The following RGS7BP variants were observed in gnomAD, a reference collection of about 807,000 sequenced individuals.
RGS7BP encodes the protein regulator of G protein signaling 7-binding protein.
In RGS7BP, 9 loss-of-function variants were observed where a neutral mutation model predicts 31.3. That is an observed-to-expected ratio of 0.29 (90% CI 0.17 to 0.50). RGS7BP has a LOEUF of 0.50. RGS7BP is among the 20% of genes least tolerant of loss of function. The pLI is 0.98. For synonymous variants in RGS7BP, 115 were observed against 120.1 expected (o/e 0.96, Z 0.28); for missense variants, 274 against 322.0 (o/e 0.85, Z 1.14).
intron 2 of RGS7BP, among the ~76,000 whole-genome samples, chr5:64,526,768 G>C (rs1749240473): frequency 6.6e-6 from 1 of 152,060 alleles, no homozygotes; most frequent in African/African-American, 2.4e-5. Context: ...GGTTCCTGGA[G>C]ATGCCTCAAG....
At chr5:64,604,384 C>T (rs527334081) in intron 5 of RGS7BP, among the ~76,000 whole-genome samples, 4 of 152,200 alleles carry the variant, frequency 2.6e-5, no homozygotes, top group East Asian at 3.9e-4. Context: ...ATCTTTCTTA[C>T]GGCATTTTTC....
chr5:64,507,573 C>T, intron 1 of RGS7BP, 138 bp from the exon 2 acceptor site: 1 of 700,324 alleles, frequency 1.4e-6, no homozygotes, highest in Non-Finnish European at 2.3e-6. Flanking sequence ...CTGCTTTAAA[C>T]AATTCCTAGG....
rs141347638 is a variant in RGS7BP, at chr5:64,506,252, C to T, written c.-373C>T. ...GCAGGCTTTGAAAGCTGCTCCCCCACCTGAATGGAAACTCGGAACCGCCGG... is the reference window on the plus strand; with the variant it reads ...GCAGGCTTTGAAAGCTGCTCCCCCATCTGAATGGAAACTCGGAACCGCCGG... On this transcript the variant is annotated 5_prime_UTR_variant, in exon 1 of 6. Coordinates refer to ENST00000334025, the MANE Select transcript of RGS7BP (RefSeq NM_001029875.3). The surrounding 1 kb of genome is among the most constrained non-coding windows in gnomAD (Gnocchi z 4.6). The T allele has an allele frequency of 3.2e-3, 572 of 177,734 alleles. 1 individual carries two copies. The highest frequency in any genetic ancestry group is 0.013 in the African/African-American group (538 of 42,610). 11.0% of individuals were successfully genotyped at this position (177,734 alleles called of 1,614,324 possible).
chr5:64,538,481 A>T (rs190163872), intron 2 of RGS7BP, among the ~76,000 whole-genome samples: 29 of 122,040 alleles, frequency 2.4e-4, no homozygotes, highest in Admixed American at 5.2e-4. Flanking sequence ...AGAAGCATGT[A>T]GCCATTTTTT....
intron 2 of RGS7BP, among the ~76,000 whole-genome samples, chr5:64,555,028 T>G (rs895231751): frequency 2.0e-5 from 3 of 151,984 alleles, no homozygotes; most frequent in African/African-American, 7.2e-5. Flanking sequence ...TAAAAAGGGA[T>G]TAAGAAGACA....
chr5:64,541,849 A>C (rs369692822), intron 2 of RGS7BP, among the ~76,000 whole-genome samples: 3 of 152,004 alleles, frequency 2.0e-5, no homozygotes, highest in Non-Finnish European at 4.4e-5. Flanking sequence ...TACCAATCCT[A>C]TCTCTGCTGG....
In RGS7BP at chr5:64,526,845, G is replaced by T. The variant is rs1263725742; in HGVS notation, c.332+18968G>T. 3.3e-5 allele frequency among the ~76,000 whole-genome samples: 5 copies of T among 152,258 alleles called. 1 individual carries two copies. Among genetic ancestry groups the T allele is most frequent in the African/African-American group, 9.6e-5 (4 of 41,540 alleles). ...TCTGTGTGTGAGCTAATGCTAAAGG[G>T]CTCTGTGGCTGTGAGTACAAATGGG... On this transcript the variant is annotated intron_variant, in intron 2 of 5. Transcript: ENST00000334025.
intron 2 of RGS7BP, among the ~76,000 whole-genome samples, chr5:64,558,998 G>C (rs1161009375): frequency 6.6e-6 from 1 of 152,164 alleles, no homozygotes; most frequent in African/African-American, 2.4e-5. Flanking sequence ...TGCGTGCACA[G>C]CGGGACACGG....
chr5:64,561,945 C>G (rs1181863721), intron 2 of RGS7BP, among the ~76,000 whole-genome samples: 1 of 151,992 alleles, frequency 6.6e-6, no homozygotes, highest in Non-Finnish European at 1.5e-5. Context: ...TATAATTCAT[C>G]ATTAAGAAAG....
rs1347869341 is a variant in RGS7BP at position 64,506,770 on chromosome 5, C to T, written c.146C>T (p.Ala49Val). ...GSESAHKTQR[A>V]LDDCKMLVQE... ...GAGAGCGCCCACAAAACCCAACGAG[C>T]CCTGGACGACTGCAAGATGGTGGGT... Residue 49 changes from alanine to valine, a missense_variant, in exon 1 of 6, where the codon GCC (alanine) becomes GTC (valine). Transcript: ENST00000334025. The surrounding 1 kb of genome is among the most constrained non-coding windows in gnomAD (Gnocchi z 4.6). 6.3e-7 allele frequency: 1 copy of T among 1,592,882 alleles called. No individual in the cohort carries two copies. Among genetic ancestry groups the T allele is most frequent in the Non-Finnish European group, 8.6e-7 (1 of 1,165,688 alleles).
At chr5:64,542,188 A>C (rs1054474541) in intron 2 of RGS7BP, among the ~76,000 whole-genome samples, 3 of 152,226 alleles carry the variant, frequency 2.0e-5, no homozygotes. Flanking sequence ...CGTCTTACCC[A>C]ACACCAGACT....
rs559083156 is a variant in RGS7BP at position 64,568,981 on chromosome 5, G to A, written c.333-6793G>A. 5.7e-4 allele frequency among the ~76,000 whole-genome samples: 87 copies of A among 152,168 alleles called. No homozygotes were observed. In the South Asian group the frequency reaches 7.1e-3, roughly 12 times the overall value. ...ACACGGAGATGGTCACCGGAATATC[G>A]CTAGAAACTGTAAAAGGTGCTGGCC... On this transcript the variant is annotated intron_variant, in intron 2 of 5. Coordinates refer to ENST00000334025, the MANE Select transcript of RGS7BP (RefSeq NM_001029875.3).
chr5:64,538,706 G>T (rs113348577), intron 2 of RGS7BP, among the ~76,000 whole-genome samples: 2 of 139,478 alleles, frequency 1.4e-5, no homozygotes, highest in African/African-American at 4.9e-5. Flanking sequence ...ACAGGCACCC[G>T]CACCATGCCC....
At chr5:64,551,345 C>G (rs1202768800) in intron 2 of RGS7BP, among the ~76,000 whole-genome samples, 1 of 151,244 alleles carries the variant, frequency 6.6e-6, no homozygotes, top group East Asian at 1.9e-4. Context: ...TCACTGCAAC[C>G]TCTGCCTCCC....
chr5:64,521,396 A>G (rs755987756), intron 2 of RGS7BP, among the ~76,000 whole-genome samples: 2 of 152,262 alleles, frequency 1.3e-5, no homozygotes, highest in East Asian at 1.9e-4. Flanking sequence ...AGCTGGGACT[A>G]CAGGCATGCG....
intron 5 of RGS7BP, among the ~76,000 whole-genome samples, chr5:64,603,910 G>T (rs1356303805): frequency 2.0e-5 from 3 of 152,092 alleles, no homozygotes; most frequent in African/African-American, 7.2e-5. Context: ...GAATGCAGAA[G>T]CATGGAGCAG....
chr5:64,577,675 G>A (rs2111905622), intron 3 of RGS7BP, among the ~76,000 whole-genome samples: 1 of 152,262 alleles, frequency 6.6e-6, no homozygotes, highest in South Asian at 2.1e-4. Context: ...TCAGGAAATT[G>A]AATACTTATG....
chr5:64,548,091 G>A (rs956236388), intron 2 of RGS7BP, among the ~76,000 whole-genome samples: 1 of 151,872 alleles, frequency 6.6e-6, no homozygotes, highest in African/African-American at 2.4e-5. Flanking sequence ...ATTTACCGCA[G>A]CAATATAACT....
chr5:64,518,857 T>C (rs1380275066), intron 2 of RGS7BP, among the ~76,000 whole-genome samples: 1 of 152,036 alleles, frequency 6.6e-6, no homozygotes, highest in Non-Finnish European at 1.5e-5. Flanking sequence ...GCTCCAGAAA[T>C]TGTATCTATG....
Sources: allele counts gnomAD v4.1 joint callset (sites outside exome capture counted in the v4.1 genomes callset), GRCh38; gene constraint gnomAD v4.1.1; non-coding constraint Gnocchi (gnomAD v3.1); transcripts MANE v1.5; gene names NCBI Gene and HGNC (gene_info 2026-07-23, HGNC 2026-07-21).